ETFA: variants seen among roughly 807,000 people sequenced by gnomAD.
ETFA encodes electron transfer flavoprotein subunit alpha, mitochondrial.
In ETFA, 22 loss-of-function variants were observed where a neutral mutation model predicts 46.2. That is an observed-to-expected ratio of 0.48 (90% CI 0.34 to 0.68). The LOEUF (loss-of-function observed/expected upper bound fraction) is 0.68. Among genes scored for constraint, ETFA ranks in the 30% least tolerant of loss-of-function variants. ETFA has a pLI of 0.01. For missense variants in ETFA, 345 were observed against 401.1 expected, an observed-to-expected ratio of 0.86 and a Z score of 1.19; for synonymous variants, 131 against 139.9, an observed-to-expected ratio of 0.94 and a Z score of 0.45.
intron 9 of ETFA, 150 bp from the exon 10 acceptor site, chr15:76,231,548 C>G: frequency 1.8e-6 from 1 of 568,048 alleles, no homozygotes; most frequent in Non-Finnish European, 3.1e-6. Context: ...TTTTCTTTTT[C>G]TCTGATCTCC....
intron 4 of ETFA, among the ~76,000 whole-genome samples, chr15:76,292,190 A>C (rs1031867594): frequency 2.6e-5 from 4 of 152,246 alleles, no homozygotes; most frequent in Non-Finnish European, 5.9e-5. Context: ...TTACATGCAG[A>C]AAATTTTAAA....
At chr15:76,219,422 T>G (rs1216437179) in intron 11 of ETFA, among the ~76,000 whole-genome samples, 1 of 152,174 alleles carries the variant, frequency 6.6e-6, no homozygotes, top group African/African-American at 2.4e-5. Context: ...TGGCAATGGA[T>G]TCTTAGATAT....
At chr15:76,234,979 G>C (rs1267323449) in intron 9 of ETFA, among the ~76,000 whole-genome samples, 1 of 152,106 alleles carries the variant, frequency 6.6e-6, no homozygotes, top group Non-Finnish European at 1.5e-5. Flanking sequence ...CATCTGATGC[G>C]GTTTAACAGG....
chr15:76,293,578 CCTTTTT>C (rs1481937453), intron 2 of ETFA, among the ~76,000 whole-genome samples: 1 of 152,142 alleles, frequency 6.6e-6, no homozygotes, highest in Non-Finnish European at 1.5e-5. Flanking sequence ...TTAGATTTCC[CCTTTTT>C]AAGTATCTTT....
intron 9 of ETFA, among the ~76,000 whole-genome samples, chr15:76,235,394 A>G (rs2039112951): frequency 6.6e-6 from 1 of 152,166 alleles, no homozygotes; most frequent in African/African-American, 2.4e-5. Flanking sequence ...TTTTATTACA[A>G]TAACTTTCCA....
intron 9 of ETFA, among the ~76,000 whole-genome samples, chr15:76,253,174 G>C (rs1245459874): frequency 6.6e-6 from 1 of 152,110 alleles, no homozygotes. Flanking sequence ...AGTAAGCTAT[G>C]AACTGACTAG....
intron 9 of ETFA, among the ~76,000 whole-genome samples, chr15:76,273,693 TA>T (rs1015975671): frequency 6.6e-6 from 1 of 152,002 alleles, no homozygotes; most frequent in African/African-American, 2.4e-5. Context: ...GATTTTTTTT[TA>T]ATGGACAAGA....
chr15:76,304,670 A>G (rs540503697), intron 1 of ETFA, among the ~76,000 whole-genome samples: 20 of 151,810 alleles, frequency 1.3e-4, no homozygotes, highest in Non-Finnish European at 5.9e-5. Flanking sequence ...TCAAAAAAAA[A>G]AAAAAAAAAT....
intron 9 of ETFA, among the ~76,000 whole-genome samples, chr15:76,256,881 A>C (rs998954420): frequency 9.9e-5 from 15 of 152,218 alleles, no homozygotes; most frequent in African/African-American, 3.6e-4. Context: ...GAGTACAGTA[A>C]CATACTATAC....
At chr15:76,237,561 C>G (rs571350640) in intron 9 of ETFA, among the ~76,000 whole-genome samples, 1 of 152,312 alleles carries the variant, frequency 6.6e-6, no homozygotes, top group African/African-American at 2.4e-5. Flanking sequence ...GCAAATTATT[C>G]AATCTCTCAA....
chr15:76,257,615 C>T (rs968424104), intron 9 of ETFA, among the ~76,000 whole-genome samples: 8 of 150,372 alleles, frequency 5.3e-5, no homozygotes, highest in Non-Finnish European at 1.0e-4. Flanking sequence ...TGTGGCGATT[C>T]CTCAGGGATC....
chr15:76,245,582 A>G (rs1165707417), intron 9 of ETFA, among the ~76,000 whole-genome samples: 1 of 152,226 alleles, frequency 6.6e-6, no homozygotes. Flanking sequence ...TTTTTCAAAA[A>G]CTGCTTATTC....
intron 10 of ETFA, among the ~76,000 whole-genome samples, chr15:76,229,407 A>T (rs965654670): frequency 1.3e-5 from 2 of 152,150 alleles, no homozygotes; most frequent in South Asian, 4.1e-4. Flanking sequence ...CCTTACTTCA[A>T]CTGTTCCCTA....
chr15:76,245,145 T>G (rs2039232081), intron 9 of ETFA: 1 of 152,220 alleles, frequency 6.6e-6, no homozygotes, highest in Non-Finnish European at 1.5e-5. Flanking sequence ...CGTTTTAAAC[T>G]TCACTGTATG....
chr15:76,277,557 C>A (rs970429585), intron 8 of ETFA, among the ~76,000 whole-genome samples: 2 of 151,964 alleles, frequency 1.3e-5, no homozygotes, highest in East Asian at 3.9e-4. Context: ...GGCTGGAGTA[C>A]AGTGGTACGA....
intron 9 of ETFA, among the ~76,000 whole-genome samples, chr15:76,257,346 T>C (rs1253170555): frequency 2.0e-5 from 3 of 152,194 alleles, no homozygotes; most frequent in Admixed American, 6.5e-5. Context: ...TTAAGATATT[T>C]TGAGAAGTGT....
At position 76,295,641 on chromosome 15, in the gene ETFA, G is replaced by A. The variant is rs769908660; in HGVS notation, c.136C>T (p.Arg46Cys). ...ITLNTITAAT[R>C]LGGEVSCLVA... ...AAGCAGGACACTTCACCTCCAAGGCGTGTGGCTGCAGTAATGGTATTTAAA... is the reference window on the plus strand; with the variant it reads ...AAGCAGGACACTTCACCTCCAAGGCATGTGGCTGCAGTAATGGTATTTAAA... Residue 46 changes from arginine to cysteine, a missense_variant, in exon 2 of 12, where the codon CGC (arginine) becomes TGC (cysteine). Physicochemically the swap from Arg to Cys is radical, Grantham distance 180. Coordinates refer to ENST00000557943, the MANE Select transcript of ETFA (RefSeq NM_000126.4). The A allele has an allele frequency of 7.4e-6, 12 of 1,613,420 alleles. No individual in the cohort carries two copies. The highest frequency in any genetic ancestry group is 1.7e-5 in the Admixed American group (1 of 59,970).
In ETFA at chr15:76,225,905, G is replaced by A; in HGVS notation, c.907C>T (p.Pro303Ser). 1 of 1,610,474 alleles carries A rather than the reference G, an allele frequency of 6.2e-7. No homozygotes were observed. Among genetic ancestry groups the A allele is most frequent in the African/African-American group, 1.3e-5 (1 of 74,914 alleles). The part of the protein sequence containing the change: ...SKTIVAINKD[P>S]EAPIFQVADY... Reference sequence around the variant, plus strand: ...GCCACTTGGAAAATTGGAGCTTCTGGGTCTTTATTAATTGCCACAATTGTC... The same window carrying A: ...GCCACTTGGAAAATTGGAGCTTCTGAGTCTTTATTAATTGCCACAATTGTC... Residue 303 changes from proline to serine, a missense_variant, in exon 11 of 12, where the codon CCA becomes TCA. Pro to Ser is a moderately conservative substitution (Grantham distance 74, BLOSUM62 -1). Coordinates refer to ENST00000557943, the MANE Select transcript of ETFA (RefSeq NM_000126.4).
chr15:76,307,850 T>C (rs750145257), intron 1 of ETFA, among the ~76,000 whole-genome samples: 1 of 152,232 alleles, frequency 6.6e-6, no homozygotes, highest in Non-Finnish European at 1.5e-5. Context: ...TATGGTAATC[T>C]TTTAACTGTA....
Sources: gnomAD v4.1 joint callset for allele counts (sites outside exome capture counted in the v4.1 genomes callset) on GRCh38, gnomAD v4.1.1 for gene constraint, MANE v1.5 for transcripts, NCBI Gene and HGNC (gene_info 2026-07-23, HGNC 2026-07-21) for gene names.